Variants in DRC1 observed in about 807,000 individuals in gnomAD.
DRC1 encodes the protein dynein regulatory complex protein 1.
A neutral mutation model predicts 98.7 loss-of-function variants in DRC1; 74 were observed. The ratio of observed to expected loss-of-function variants is 0.75; its 90% CI spans 0.62 to 0.91. The LOEUF (loss-of-function observed/expected upper bound fraction) is 0.91. Ranked by LOEUF, DRC1 falls within the 40% of genes least tolerant of loss-of-function variation. The pLI is 0.00. For missense variants in DRC1, 875 were observed against 886.0 expected, an observed-to-expected ratio of 0.99 and a Z score of 0.16; for synonymous variants, 336 against 334.1, an observed-to-expected ratio of 1.01 and a Z score of -0.06.
intron 10 of DRC1, among the ~76,000 whole-genome samples, chr2:26,446,298 A>G (rs1425209631): frequency 6.6e-6 from 1 of 151,902 alleles, no homozygotes; most frequent in Non-Finnish European, 1.5e-5. Context: ...TGGATTTGCC[A>G]TGTTGCCCAG....
At position 26,454,494 on chromosome 2, in the gene DRC1, G is replaced by T. The variant is rs1227904049; in HGVS notation, c.1920-153G>T. ...AGGCAGGAACGTTGACAATAAGCAT[G>T]CGTCCTTTCTGAGAACCTGCCACCG... On this transcript the variant is annotated intron_variant, in intron 14 of 16. Transcript: ENST00000288710. The surrounding 1 kb of genome is among the most constrained non-coding windows in gnomAD (Gnocchi z 5.2). Among the ~76,000 whole-genome samples, 1 of 152,170 alleles carries T rather than the reference G, an allele frequency of 6.6e-6. No individual in the cohort carries two copies. Among genetic ancestry groups the T allele is most frequent in the African/African-American group, 2.4e-5 (1 of 41,438 alleles).
At chr2:26,403,535 C>T (rs1678320287) in intron 1 of DRC1, among the ~76,000 whole-genome samples, 1 of 152,288 alleles carries the variant, frequency 6.6e-6, no homozygotes, top group East Asian at 1.9e-4. Flanking sequence ...TAGCTCATGC[C>T]TGTAATCCCA....
intron 7 of DRC1, among the ~76,000 whole-genome samples, chr2:26,439,226 C>T (rs1052432988): frequency 6.6e-6 from 1 of 152,084 alleles, no homozygotes; most frequent in Non-Finnish European, 1.5e-5. Flanking sequence ...TCAGGTGGCA[C>T]CTGCGTAACT....
rs111311742 is a variant in DRC1, at chr2:26,425,945, C to G, written c.540+1491C>G. On this transcript the variant is annotated intron_variant, in intron 4 of 16. Transcript: ENST00000288710. Reference sequence around the variant, plus strand: ...GTTTGTCTATTTTTGATTTTGCTGCCTGGGATTTTGGTGTGATATCCAAGA... The same window carrying G: ...GTTTGTCTATTTTTGATTTTGCTGCGTGGGATTTTGGTGTGATATCCAAGA... Among the ~76,000 whole-genome samples the G allele has an allele frequency of 9.7e-3, 1,473 of 151,998 alleles. 7 individuals carry two copies. The highest frequency in any genetic ancestry group is 0.016 in the Non-Finnish European group (1,075 of 67,990).
In DRC1 at chr2:26,450,052, A is replaced by G. The variant is rs572903442; in HGVS notation, c.1566A>G (p.Glu522=). Residue 522 remains glutamate (E), a synonymous_variant, in exon 12 of 17, where the codon GAA becomes GAG. Transcript: ENST00000288710. Reference sequence around the variant, plus strand: ...TTCTCCTGCCCCTGGAGCAGAATGAATGCTATCTGCTGAGGCTGGATGCCA... The same window carrying G: ...TTCTCCTGCCCCTGGAGCAGAATGAGTGCTATCTGCTGAGGCTGGATGCCA... ...LSLLLPLEQN[E]CYLLRLDAIF... The G allele has an allele frequency of 8.7e-6, 14 of 1,613,764 alleles. No homozygotes were observed. In the South Asian group the frequency reaches 1.4e-4, roughly 16 times the overall value.
intron 4 of DRC1, among the ~76,000 whole-genome samples, chr2:26,429,408 A>T (rs1036778079): frequency 3.3e-5 from 5 of 151,776 alleles, no homozygotes; most frequent in African/African-American, 1.2e-4. Flanking sequence ...GTAGAGACAG[A>T]GTTTTGCCAT....
At position 26,453,498 on chromosome 2, in the gene DRC1, A is replaced by T. The variant is rs573043964; in HGVS notation, c.1868A>T (p.Asn623Ile). 6.2e-7 allele frequency: 1 copy of T among 1,614,088 alleles called. No homozygotes were observed. Among genetic ancestry groups the T allele is most frequent in the East Asian group, 2.2e-5 (1 of 44,898 alleles). The change falls in exon 14 of 17, where the codon AAT becomes ATT. Residue 623 changes from asparagine to isoleucine, a missense_variant. By Grantham distance (149) the Asn-to-Ile change is moderately radical. Coordinates refer to ENST00000288710, the MANE Select transcript of DRC1 (RefSeq NM_145038.5). ...TPPSPWVIHP[N>I]DVLKILEAFV... is the part of the protein sequence containing the mutation. ...CCCTCCCCCTGGGTCATCCACCCCAATGATGTCCTCAAGATTCTGGAGGCC... is the reference window on the plus strand; with the variant it reads ...CCCTCCCCCTGGGTCATCCACCCCATTGATGTCCTCAAGATTCTGGAGGCC...
rs143980408 is a variant in DRC1, at chr2:26,448,786, C to G, written c.1492C>G (p.Leu498Val). The change falls in exon 11 of 17, where the codon CTC becomes GTC. Residue 498 changes from leucine (L) to valine (V), a missense_variant. Physicochemically the swap from Leu to Val is conservative, Grantham distance 32. Transcript: ENST00000288710. ...AAAAACTACCAAGAGGATCCTGATGCTCCTGTGTGACGAGTCGGTGAGGCC... is the reference window on the plus strand; with the variant it reads ...AAAAACTACCAAGAGGATCCTGATGGTCCTGTGTGACGAGTCGGTGAGGCC... ...SEKTTKRILMLLCDESGFLIE... is the reference protein window; with the variant it reads ...SEKTTKRILMVLCDESGFLIE... 5,657 of 1,614,198 alleles carry G rather than the reference C, an allele frequency of 3.5e-3. 14 individuals carry two copies. The highest frequency in any genetic ancestry group is 3.8e-3 in the Non-Finnish European group (4,445 of 1,180,028).
At chr2:26,439,313 A>G (rs1417494814) in intron 7 of DRC1, among the ~76,000 whole-genome samples, 2 of 152,128 alleles carry the variant, frequency 1.3e-5, no homozygotes, top group Non-Finnish European at 2.9e-5. Flanking sequence ...GACCAAGGAC[A>G]GTGCTCCTCT....
intron 2 of DRC1, among the ~76,000 whole-genome samples, chr2:26,418,057 T>TG (rs1417571934): frequency 6.6e-6 from 1 of 152,094 alleles, no homozygotes; most frequent in Non-Finnish European, 1.5e-5. Flanking sequence ...TTGGTGACGA[T>TG]GGGGGTCCAG....
intron 1 of DRC1, among the ~76,000 whole-genome samples, chr2:26,403,602 C>T (rs1678322196): frequency 6.6e-6 from 1 of 151,910 alleles, no homozygotes; most frequent in Non-Finnish European, 1.5e-5. Context: ...CAAGACCAGC[C>T]TGGCCAACAT....
At position 26,450,681 on chromosome 2, in the gene DRC1, G is replaced by A; in HGVS notation, c.1689G>A (p.Gln563=). 1 of 1,610,148 alleles carries A rather than the reference G, an allele frequency of 6.2e-7. No individual in the cohort carries two copies. The highest frequency in any genetic ancestry group is 8.5e-7 in the Non-Finnish European group (1 of 1,177,746). ...CTCACCGTTTATCTTCCAGCCTCCA[G>A]GTAAGGCAAGGTGCAGAGAGAAGAA... ...YRAHRLSSSL[Q]IKPCSQASME... is the part of the protein sequence containing the mutation. Residue 563 remains glutamine, a splice_region_variant and synonymous_variant, in exon 13 of 17, where the codon CAG becomes CAA. Transcript: ENST00000288710.
At position 26,453,565 on chromosome 2, in the gene DRC1, G is replaced by A. The variant is rs2148007018; in HGVS notation, c.1919+16G>A. The A allele has an allele frequency of 1.2e-6, 2 of 1,609,152 alleles. No individual in the cohort carries two copies. The highest frequency in any genetic ancestry group is 2.2e-5 in the South Asian group (2 of 90,684). ...AGAAGCCTAGGTGGGCTGCGGGGCT[G>A]GAAGGCTTGCCTGAGACCAGAACCA... is the stretch of plus-strand genomic sequence containing the variant. On this transcript the variant is annotated intron_variant, in intron 14 of 16. Coordinates refer to ENST00000288710, the MANE Select transcript of DRC1 (RefSeq NM_145038.5).
intron 1 of DRC1, among the ~76,000 whole-genome samples, chr2:26,410,702 G>C (rs1207028541): frequency 6.6e-6 from 1 of 152,132 alleles, no homozygotes; most frequent in African/African-American, 2.4e-5. Context: ...TGAGGTTCCT[G>C]ATTGAAATGT....
intron 3 of DRC1, among the ~76,000 whole-genome samples, 154 bp downstream of exon 3, chr2:26,421,554 TC>T (rs1663142296): frequency 7.4e-6 from 1 of 134,948 alleles, no homozygotes; most frequent in Non-Finnish European, 1.6e-5. Flanking sequence ...CTTCTTTCTC[TC>T]TCTTTTTTTT....
intron 2 of DRC1, among the ~76,000 whole-genome samples, chr2:26,414,943 G>A (rs898254382): frequency 2.6e-5 from 4 of 152,028 alleles, no homozygotes; most frequent in Middle Eastern, 6.8e-3. Flanking sequence ...AATCCTCCTC[G>A]GATTCTTCCT....
intron 4 of DRC1, among the ~76,000 whole-genome samples, chr2:26,427,638 G>A (rs749909696): frequency 7.2e-5 from 11 of 151,750 alleles, no homozygotes; most frequent in Admixed American, 1.3e-4. Flanking sequence ...CCTTAGTCAC[G>A]CTGTTATGCT....
chr2:26,410,502 C>A (rs1275903573), intron 1 of DRC1, among the ~76,000 whole-genome samples: 1 of 152,030 alleles, frequency 6.6e-6, no homozygotes, highest in Non-Finnish European at 1.5e-5. Flanking sequence ...GAACTCTTTA[C>A]CTCAGGTGAT....
intron 8 of DRC1, 110 bp downstream of exon 8, chr2:26,440,627 C>T: frequency 1.5e-6 from 2 of 1,304,300 alleles, no homozygotes; most frequent in Non-Finnish European, 2.0e-6. Context: ...ATATAACCAA[C>T]ACTTATTAAA....
Sources: allele counts gnomAD v4.1 joint callset (sites outside exome capture counted in the v4.1 genomes callset), GRCh38; gene constraint gnomAD v4.1.1; non-coding constraint Gnocchi (gnomAD v3.1); transcripts MANE v1.5; gene names NCBI Gene and HGNC (gene_info 2026-07-23, HGNC 2026-07-21).